The following TIAM2 variants were observed in gnomAD, a reference collection of about 807,000 sequenced individuals.
TIAM2 encodes the protein TIAM Rac1 associated GEF 2, also known as rho guanine nucleotide exchange factor TIAM2.
TIAM2 carries 80 observed loss-of-function variants against 152.9 expected under a neutral mutation model. The ratio of observed to expected loss-of-function variants is 0.52; its 90% CI spans 0.44 to 0.63. The LOEUF (loss-of-function observed/expected upper bound fraction) is 0.63. TIAM2 is among the 30% of genes least tolerant of loss of function. The pLI is 0.00. For missense variants in TIAM2, 1,965 were observed against 2,120.1 expected (o/e 0.93, Z 1.44); for synonymous variants, 804 against 838.0 (o/e 0.96, Z 0.70).
At chr6:155,035,165 G>A (rs1412816010) in intron 1 of TIAM2, among the ~76,000 whole-genome samples, 1 of 150,684 alleles carries the variant, frequency 6.6e-6, no homozygotes, top group African/African-American at 2.4e-5. Context: ...GAATGGATGT[G>A]CAAGTGATGT....
At chr6:155,013,023 G>C (rs531891675) in intron 1 of TIAM2, among the ~76,000 whole-genome samples, 3 of 152,042 alleles carry the variant, frequency 2.0e-5, no homozygotes, top group African/African-American at 7.2e-5. Flanking sequence ...CTCCCATCTC[G>C]TAAGTCTGGC....
At chr6:155,007,210 G>A in intron 1 of TIAM2, among the ~76,000 whole-genome samples, 1 of 152,120 alleles carries the variant, frequency 6.6e-6, no homozygotes, top group South Asian at 2.1e-4. Context: ...TCTTTTCCCT[G>A]CATGATGCCC....
rs1783280160 is a variant in TIAM2 at position 155,245,734 on chromosome 6, A to G, written c.3652+3A>G. ...AGTACAGAAGGTTCTGGAGCGAGGT[A>G]AGTTGCTTATGCCTTTTATAGTTTT... On this transcript the variant is annotated splice_donor_region_variant and intron_variant, in intron 19 of 26. Transcript: ENST00000682666. 6.8e-7 allele frequency: 1 copy of G among 1,481,260 alleles called. No individual in the cohort carries two copies. Among genetic ancestry groups the G allele is most frequent in the South Asian group, 1.2e-5 (1 of 81,302 alleles). The allele number at this position is 1,481,260 out of a possible 1,614,324, so 91.8% of individuals were successfully genotyped here. A position where few individuals can be genotyped will look rare whatever the true frequency, so the allele number is the denominator to read the frequency against.
chr6:155,050,252 G>C (rs770257653), intron 1 of TIAM2, among the ~76,000 whole-genome samples: 2 of 152,050 alleles, frequency 1.3e-5, no homozygotes, highest in Non-Finnish European at 2.9e-5. Context: ...GGCTGGTCTC[G>C]TGACCTCAAG....
intron 15 of TIAM2, among the ~76,000 whole-genome samples, chr6:155,237,561 C>A (rs1409685096): frequency 6.6e-6 from 1 of 152,262 alleles, no homozygotes; most frequent in Admixed American, 6.5e-5. Flanking sequence ...CCTGCCCCTG[C>A]AGCAAACTTC....
chr6:155,251,946 T>G lies in TIAM2; in HGVS notation c.4062T>G (p.Val1354=). The G allele has an allele frequency of 1.2e-6, 2 of 1,603,728 alleles. No homozygotes were observed. The change falls in exon 23 of 27, where the codon GTT becomes GTG. Residue 1354 remains valine, a splice_region_variant and synonymous_variant. Coordinates refer to ENST00000682666, the MANE Select transcript of TIAM2 (RefSeq NM_012454.4). The part of the protein sequence containing the change: ...ARKDLELTVF[V]FKRAVILVYK... ...TTCTTTCTCTTTTCCTTTCTTTAGT[T>G]TTTAAGAGAGCCGTCATACTGGTTT...
At chr6:155,179,223 A>T in intron 11 of TIAM2, 80 bp downstream of exon 11, 1 of 1,485,702 alleles carries the variant, frequency 6.7e-7, no homozygotes, top group Non-Finnish European at 9.3e-7. Context: ...ATTTTTGGGG[A>T]AAATTCTGTT....
At position 155,161,576 on chromosome 6, in the gene TIAM2, T is replaced by G. The variant is rs190798393; in HGVS notation, c.2029-2839T>G. Among the ~76,000 whole-genome samples, 96 of 150,676 alleles carry G rather than the reference T, an allele frequency of 6.4e-4. 1 individual carries two copies. The highest frequency in any genetic ancestry group is 1.2e-3 in the Admixed American group (18 of 15,204). On this transcript the variant is annotated intron_variant, in intron 7 of 26. Transcript: ENST00000682666. Reference sequence around the variant, plus strand: ...ATTTTATTTTATTTTGTCTTTTTTTTTTTTTTTCTGAGATGGAGTCTCACT... The same window carrying G: ...ATTTTATTTTATTTTGTCTTTTTTTGTTTTTTTCTGAGATGGAGTCTCACT...
At chr6:155,244,174 C>A in intron 17 of TIAM2, 95 bp downstream of exon 17, 1 of 1,197,940 alleles carries the variant, frequency 8.3e-7, no homozygotes, top group East Asian at 2.3e-5. Context: ...CTGTTGATCC[C>A]AAAAGAACAT....
At chr6:155,044,807 G>A (rs892238952) in intron 1 of TIAM2, among the ~76,000 whole-genome samples, 7 of 149,878 alleles carry the variant, frequency 4.7e-5, no homozygotes, top group Middle Eastern at 3.2e-3. Context: ...CAGCCTGGGC[G>A]ACAGAGCAAG....
intron 4 of TIAM2, among the ~76,000 whole-genome samples, chr6:155,131,903 A>G (rs1364228436): frequency 6.6e-6 from 1 of 152,076 alleles, no homozygotes; most frequent in Non-Finnish European, 1.5e-5. Context: ...TAACCTCCTC[A>G]TGGAGATAGC....
chr6:154,999,681 A>AT (rs1012227497), intron 1 of TIAM2, among the ~76,000 whole-genome samples: 15 of 149,758 alleles, frequency 1.0e-4, no homozygotes, highest in South Asian at 2.1e-4. Flanking sequence ...TTCTTTTTTT[A>AT]TTTTTTTTTG....
At chr6:155,144,924 G>A (rs543669163) in intron 6 of TIAM2, 146 bp downstream of exon 6, 13 of 895,234 alleles carry the variant, frequency 1.5e-5, no homozygotes, top group Admixed American at 5.9e-5. Flanking sequence ...GTTGGCTTCC[G>A]CTGACTGCCA....
chr6:155,031,815 AAACAT>A (rs1242527764), intron 1 of TIAM2, among the ~76,000 whole-genome samples: 4 of 152,348 alleles, frequency 2.6e-5, no homozygotes, highest in South Asian at 2.1e-4. Flanking sequence ...TTAAAGATGA[AAACAT>A]AACATATTAA....
At chr6:155,102,502 AT>A (rs1778572978) in intron 2 of TIAM2, among the ~76,000 whole-genome samples, 1 of 152,082 alleles carries the variant, frequency 6.6e-6, no homozygotes, top group African/African-American at 2.4e-5. Context: ...CTATTCCCTT[AT>A]TTTTATTAAT....
Position 155,241,329 on chromosome 6 carries a change from T to C in TIAM2, c.3348+620T>C, listed in dbSNP as rs573918529. Among the ~76,000 whole-genome samples the C allele has an allele frequency of 2.0e-5, 3 of 152,330 alleles. No homozygotes were observed. In the East Asian group the frequency reaches 5.8e-4, roughly 29 times the overall value. Reference sequence around the variant, plus strand: ...TGGAGCCTGGGGAGCAGAGTTCTTTTGCTTTGTTTCCTGGAGCTTTGGTAC... The same window carrying C: ...TGGAGCCTGGGGAGCAGAGTTCTTTCGCTTTGTTTCCTGGAGCTTTGGTAC... On this transcript the variant is annotated intron_variant, in intron 16 of 26. Transcript: ENST00000682666.
intron 7 of TIAM2, among the ~76,000 whole-genome samples, chr6:155,148,701 A>G (rs1330389946): frequency 6.6e-6 from 1 of 152,208 alleles, no homozygotes; most frequent in Non-Finnish European, 1.5e-5. Flanking sequence ...GTAAGATTCT[A>G]ATACAATAGC....
At chr6:155,085,842 A>G (rs1778160947) in intron 1 of TIAM2, among the ~76,000 whole-genome samples, 1 of 152,214 alleles carries the variant, frequency 6.6e-6, no homozygotes, top group Non-Finnish European at 1.5e-5. Flanking sequence ...CGTGGCACCT[A>G]TGTGCTGTGA....
chr6:155,243,846 C>CAAAAAAAAAAAAAAA (rs59365890), intron 16 of TIAM2, among the ~76,000 whole-genome samples, 165 bp from the exon 17 acceptor site: 6 of 55,050 alleles, frequency 1.1e-4, no homozygotes, highest in African/African-American at 4.0e-4. Flanking sequence ...GACTCCGTCT[C>CAAAAAAAAAAAAAAA]AAAAAAAAAA....
Sources: allele counts gnomAD v4.1 joint callset (sites outside exome capture counted in the v4.1 genomes callset), GRCh38; gene constraint gnomAD v4.1.1; transcripts MANE v1.5; gene names NCBI Gene and HGNC (gene_info 2026-07-23, HGNC 2026-07-21).